The following EPHA10 variants were observed in gnomAD, a reference collection of about 807,000 sequenced individuals.
EPHA10 encodes EPH receptor A10.
Under a neutral mutation model 109.7 loss-of-function variants are expected in EPHA10, and 120 were observed. The observed-to-expected ratio is 1.09, with a 90% CI of 0.94 to 1.27. The LOEUF (loss-of-function observed/expected upper bound fraction) is 1.27. Among genes scored for constraint, EPHA10 ranks in the 50% most tolerant of loss-of-function variants. The pLI is 0.00. For missense variants in EPHA10, 1,396 were observed against 1,411.1 expected (o/e 0.99, Z 0.17); for synonymous variants, 640 against 618.9 (o/e 1.03, Z -0.51).
In EPHA10 at chr1:37,716,526, G is replaced by C. The variant is rs930926031; in HGVS notation, c.*1846C>G. On this transcript the variant is annotated 3_prime_UTR_variant, in exon 17 of 17. Transcript: ENST00000373048. ...CCAGTACCCCCAGAGTCACTGAGCT[G>C]GGGCAGGTGCTCAGGAGACAGGGAG... 12 of 231,786 alleles carry C rather than the reference G, an allele frequency of 5.2e-5. No individual in the cohort carries two copies. The East Asian group carries it at 6.1e-4, about 12-fold the overall frequency. The allele number at this position is 231,786 out of a possible 1,614,324, so 14.4% of individuals were successfully genotyped here.
intron 5 of EPHA10, among the ~76,000 whole-genome samples, chr1:37,745,727 A>G (rs976878595): frequency 2.0e-5 from 3 of 152,158 alleles, no homozygotes; most frequent in Admixed American, 2.0e-4. Context: ...GCACGCACCT[A>G]TAATCCCAGC....
intron 13 of EPHA10, 138 bp downstream of exon 13, chr1:37,720,213 G>T: frequency 7.2e-7 from 1 of 1,393,334 alleles, no homozygotes; most frequent in Non-Finnish European, 9.6e-7. Context: ...TGACCTCAAG[G>T]TGGGGTTCAC....
rs1446812948 is a variant in EPHA10 at position 37,720,483 on chromosome 1, A to T, written c.2280T>A (p.Tyr760Ter). 6.2e-7 allele frequency: 1 copy of T among 1,613,396 alleles called. No individual in the cohort carries two copies. Among genetic ancestry groups the T allele is most frequent in the Non-Finnish European group, 8.5e-7 (1 of 1,180,004 alleles). ...LLPGLASAMK[Y>*]LSEMGYVHRG... ...GGTGAACGTAGCCCATCTCTGACAG[A>T]TACTTCATGGCTGATGCCAGCCCAG... Residue 760 changes from tyrosine to a stop codon, truncating the protein, a stop_gained, in exon 13 of 17, where the codon TAT (tyrosine) becomes TAA (stop). Transcript: ENST00000373048. LOFTEE classifies it high-confidence loss of function.
chr1:37,762,878 G>A (rs1470149732), intron 1 of EPHA10, 29 bp from the exon 2 acceptor site: 2 of 1,542,626 alleles, frequency 1.3e-6, no homozygotes, highest in South Asian at 2.4e-5. Context: ...AGAAATATCA[G>A]AAATCGAGAA....
At position 37,716,049 on chromosome 1, in the gene EPHA10, C is replaced by T. The variant is rs1306431802; in HGVS notation, c.*2323G>A. On this transcript the variant is annotated 3_prime_UTR_variant, in exon 17 of 17. Transcript: ENST00000373048. ...AAACATCTCCAGAAGGAACCCCCTC[C>T]GACTGGCCCCCTCCCTCCCAGGGTG... 1.6e-5 allele frequency: 9 copies of T among 550,376 alleles called. No homozygotes were observed. Among genetic ancestry groups the T allele is most frequent in the Admixed American group, 4.2e-5 (2 of 47,246 alleles). The allele number at this position is 550,376 out of a possible 1,614,324, so 34.1% of individuals were successfully genotyped here.
rs55656984 is a variant in EPHA10, at chr1:37,748,918, C to CTTTTTTTTTTTTTT, written c.1357+3944_1357+3957dup. The stretch of plus-strand genomic sequence containing the variant: ...TAAGATGAGTTTCCTTTCTTTTCAT[C>CTTTTTTTTTTTTTT]TTTTTTTTTTTTTTTTTTTTTTGAG... On this transcript the variant is annotated intron_variant, in intron 5 of 16. Transcript: ENST00000373048. Among the ~76,000 whole-genome samples, 5 of 95,304 alleles carry CTTTTTTTTTTTTTT rather than the reference C, an allele frequency of 5.2e-5. 1 individual carries two copies. Among genetic ancestry groups the CTTTTTTTTTTTTTT allele is most frequent in the Non-Finnish European group, 9.7e-5 (5 of 51,448 alleles). 62.5% of individuals were successfully genotyped at this position (95,304 alleles called of 152,430 possible).
In EPHA10 at chr1:37,732,863, C is replaced by CTTTTTT. The variant is rs56226051; in HGVS notation, c.1492-1287_1492-1282dup. 2.1e-3 allele frequency among the ~76,000 whole-genome samples: 52 copies of CTTTTTT among 25,032 alleles called. 7 individuals carry two copies. The highest frequency in any genetic ancestry group is 5.3e-3 in the South Asian group (3 of 568). 16.4% of individuals were successfully genotyped at this position (25,032 alleles called of 152,430 possible). On this transcript the variant is annotated intron_variant, in intron 6 of 16. Coordinates refer to ENST00000373048, the MANE Select transcript of EPHA10 (RefSeq NM_001099439.2). ...CAAATATAGCCCTTTTATACTTGTT[C>CTTTTTT]TTTTTTTTTTTTTTTTTTTTTTTTT...
At position 37,718,236 on chromosome 1, in the gene EPHA10, C is replaced by T; in HGVS notation, c.*136G>A. On this transcript the variant is annotated 3_prime_UTR_variant, in exon 17 of 17. Coordinates refer to ENST00000373048, the MANE Select transcript of EPHA10 (RefSeq NM_001099439.2). ...GCAGTGAAAGCGGGGAAGCTGTGGC[C>T]CCACCAGATCTGGGCCCAAGCAGAG... The T allele has an allele frequency of 1.3e-6, 1 of 747,810 alleles. No individual in the cohort carries two copies. Among genetic ancestry groups the T allele is most frequent in the Admixed American group, 2.6e-5 (1 of 38,458 alleles). 46.3% of individuals were successfully genotyped at this position (747,810 alleles called of 1,614,324 possible).
At chr1:37,753,248 G>A (rs2148365504) in intron 4 of EPHA10, 22 bp from the exon 5 acceptor site, 2 of 1,280,912 alleles carry the variant, frequency 1.6e-6, no homozygotes, top group South Asian at 2.4e-5. Flanking sequence ...CAGGGGCGGG[G>A]CGGTCAGGGC....
At position 37,731,564 on chromosome 1, in the gene EPHA10, A is replaced by G; in HGVS notation, c.1510T>C (p.Tyr504His). 6.2e-7 allele frequency: 1 copy of G among 1,612,716 alleles called. No homozygotes were observed. Among genetic ancestry groups the G allele is most frequent in the Non-Finnish European group, 8.5e-7 (1 of 1,179,288 alleles). ...GGCGCCCCTGTCTTCACCATGGAGT[A>G]AGTCTGCTCACTCTGACCCTGGAGA... ...YYEKGQSEQT[Y>H]SMVKTGAPTV... is the part of the protein sequence containing the mutation. Residue 504 changes from tyrosine to histidine, a missense_variant, in exon 7 of 17, where the codon TAC (tyrosine) becomes CAC (histidine). By Grantham distance (83) the Tyr-to-His change is moderately conservative. Transcript: ENST00000373048.
At chr1:37,734,735 A>C (rs1399138758) in intron 6 of EPHA10, 19 of 425,524 alleles carry the variant, frequency 4.5e-5, no homozygotes, top group Non-Finnish European at 7.9e-5. Flanking sequence ...AGAGTTCTGA[A>C]CATATTTTAT....
At position 37,754,479 on chromosome 1, in the gene EPHA10, G is replaced by C. The variant is rs967581095; in HGVS notation, c.851-109C>G. ...CTCCTCCAATTGCGATAGAAAAACAGTCAGGGGACTCAGCCACTCCAGTCA... is the reference window on the plus strand; with the variant it reads ...CTCCTCCAATTGCGATAGAAAAACACTCAGGGGACTCAGCCACTCCAGTCA... On this transcript the variant is annotated intron_variant, in intron 3 of 16. Transcript: ENST00000373048. This position sits in a 1 kb window ranked among gnomAD's most constrained non-coding sequence, Gnocchi z 4.5. 11 of 1,075,704 alleles carry C rather than the reference G, an allele frequency of 1.0e-5. No individual in the cohort carries two copies. The highest frequency in any genetic ancestry group is 1.2e-5 in the Non-Finnish European group (10 of 840,358). 66.6% of individuals were successfully genotyped at this position (1,075,704 alleles called of 1,614,324 possible).
At chr1:37,746,274 A>G (rs533812846) in intron 5 of EPHA10, among the ~76,000 whole-genome samples, 1 of 151,816 alleles carries the variant, frequency 6.6e-6, no homozygotes, top group South Asian at 2.1e-4. Context: ...CTAATCTTGT[A>G]TTTTTAGTAG....
chr1:37,746,911 G>A (rs1047096186), intron 5 of EPHA10, among the ~76,000 whole-genome samples: 1 of 152,212 alleles, frequency 6.6e-6, no homozygotes, highest in Admixed American at 6.5e-5. Flanking sequence ...ATGCCAAGAA[G>A]AGGCAAATCC....
At position 37,754,267 on chromosome 1, in the gene EPHA10, G is replaced by A; in HGVS notation, c.954C>T (p.Cys318=). ...TGGGTGAGCGCGCATAGCTGTCCTG[G>A]CACACGCAGAAGGTGGAGGCGTTTT... The part of the protein sequence containing the change: ...ALENASTFCV[C]QDSYARSPTD... The change falls in exon 4 of 17, where the codon TGC becomes TGT. Residue 318 remains cysteine, a synonymous_variant. Transcript: ENST00000373048. This position sits in a 1 kb window ranked among gnomAD's most constrained non-coding sequence, Gnocchi z 4.5. 7.6e-7 allele frequency: 1 copy of A among 1,322,394 alleles called. No individual in the cohort carries two copies. Among genetic ancestry groups the A allele is most frequent in the Non-Finnish European group, 9.7e-7 (1 of 1,030,548 alleles). 81.9% of individuals were successfully genotyped at this position (1,322,394 alleles called of 1,614,324 possible).
chr1:37,741,439 G>T lies in EPHA10; in HGVS notation c.1358-6049C>A, dbSNP rs554185577. On this transcript the variant is annotated intron_variant, in intron 5 of 16. Transcript: ENST00000373048. The stretch of plus-strand genomic sequence containing the variant: ...CTCAGGCTCTGACAAGTGCGTGGAT[G>T]TGGCTTCTAGTCTTAAATGGTATAT... Among the ~76,000 whole-genome samples, 152 of 152,344 alleles carry T rather than the reference G, an allele frequency of 1.0e-3. 1 individual carries two copies. The highest frequency in any genetic ancestry group is 3.5e-3 in the African/African-American group (145 of 41,586).
intron 5 of EPHA10, among the ~76,000 whole-genome samples, chr1:37,747,089 G>C (rs1174837627): frequency 1.3e-5 from 2 of 152,010 alleles, no homozygotes; most frequent in Non-Finnish European, 2.9e-5. Flanking sequence ...ACTTCAAAAG[G>C]GTGAATTTTA....
At chr1:37,726,090 C>T (rs1175763397) in intron 8 of EPHA10, among the ~76,000 whole-genome samples, 2 of 152,194 alleles carry the variant, frequency 1.3e-5, no homozygotes, top group Admixed American at 6.5e-5. Context: ...AGCCTCTGCC[C>T]GGAAGAGGGG....
At chr1:37,736,483 A>C (rs1646074295) in intron 5 of EPHA10, among the ~76,000 whole-genome samples, 1 of 99,224 alleles carries the variant, frequency 1.0e-5, no homozygotes, top group Non-Finnish European at 2.4e-5. Flanking sequence ...TCTCAAAAAA[A>C]AAAAAAAAAA....
Sources: allele counts gnomAD v4.1 joint callset (sites outside exome capture counted in the v4.1 genomes callset), GRCh38; gene constraint gnomAD v4.1.1; non-coding constraint Gnocchi (gnomAD v3.1); transcripts MANE v1.5; gene names NCBI Gene and HGNC (gene_info 2026-07-23, HGNC 2026-07-21).